The following NT5DC4 variants were observed in gnomAD, a reference collection of about 807,000 sequenced individuals.
NT5DC4 encodes the protein 5'-nucleotidase domain-containing protein 4.
In NT5DC4, 44 loss-of-function variants were observed where a neutral mutation model predicts 26.6. That is an observed-to-expected ratio of 1.65 (90% CI 1.30 to 2.13). The LOEUF is 2.13. Ranked by LOEUF, NT5DC4 falls within the 30% of genes most tolerant of loss-of-function variation. NT5DC4 has a pLI of 0.00. For synonymous variants in NT5DC4, 157 were observed against 86.7 expected (o/e 1.81, Z -4.51); for missense variants, 399 against 228.1 (o/e 1.75, Z -4.83).
At chr2:112,719,934 C>CTTTCTTTCTTTT (rs1553430207), upstream of NT5DC4, among the ~76,000 whole-genome samples, 26 of 66,024 alleles carry the variant, frequency 3.9e-4, no homozygotes, top group African/African-American at 1.4e-3. Context: ...CTCTTTCTTT[C>CTTTCTTTCTTTT]TTTCTTTCTT....
upstream of NT5DC4, among the ~76,000 whole-genome samples, chr2:112,719,938 CTTTCTTTCTTTCTTTCTTTCTTTCTTTCT>C (rs1676705975): frequency 3.6e-5 from 3 of 83,600 alleles, no homozygotes; most frequent in Non-Finnish European, 6.8e-5. Context: ...TTCTTTCTTT[CTTTCTTTCTTTCTTTCTTTCTTTCTTTCT>C]TTCTTTCTTT....
intron 16 of NT5DC4, among the ~76,000 whole-genome samples, chr2:112,732,147 G>C (rs1454444030): frequency 6.6e-6 from 1 of 152,096 alleles, no homozygotes; most frequent in African/African-American, 2.4e-5. Flanking sequence ...CTGACCTCAA[G>C]TGATCCGCCT....
chr2:112,719,316 A>T (rs1574216507), upstream of NT5DC4, among the ~76,000 whole-genome samples: 1 of 152,294 alleles, frequency 6.6e-6, no homozygotes, highest in South Asian at 2.1e-4. Context: ...GCAGCACACA[A>T]CTGTGCTTGC....
intron 1 of NT5DC4, chr2:112,721,536 C>A: frequency 1.4e-6 from 1 of 717,916 alleles, no homozygotes; most frequent in South Asian, 1.5e-5. Flanking sequence ...ATGCCTATAA[C>A]ATGCCTGCAT....
At chr2:112,729,402 G>A (rs1416643683) in intron 15 of NT5DC4, among the ~76,000 whole-genome samples, 3 of 152,238 alleles carry the variant, frequency 2.0e-5, no homozygotes, top group Non-Finnish European at 2.9e-5. Flanking sequence ...GATTACAGGC[G>A]TGAGCCACCG....
rs550422422 is a variant in NT5DC4, at chr2:112,729,800, G to A, written c.1344+96G>A. ...TTGTATCAACCCCAGGACGCATGAG[G>A]CAATTGGTGGGGGGGCTTGTGGGCT... On this transcript the variant is annotated intron_variant, in intron 16 of 16. Transcript: ENST00000688554. The A allele has an allele frequency of 2.6e-5, 18 of 691,714 alleles. No individual in the cohort carries two copies. In the East Asian group the frequency reaches 3.0e-4, roughly 12 times the overall value. The allele number at this position is 691,714 out of a possible 1,614,324, so 42.8% of individuals were successfully genotyped here. A position where few individuals can be genotyped will look rare whatever the true frequency, so the allele number is the denominator to read the frequency against.
chr2:112,727,935 A>G (rs1214041411), intron 15 of NT5DC4, among the ~76,000 whole-genome samples: 1 of 152,214 alleles, frequency 6.6e-6, no homozygotes, highest in Middle Eastern at 3.2e-3. Context: ...GACCTCCTGT[A>G]CTTCCGAGTG....
rs774282539 is a variant in NT5DC4 at position 112,721,079 on chromosome 2, G to A, written c.-1G>A. Among the ~76,000 whole-genome samples the A allele has an allele frequency of 1.3e-5, 2 of 152,144 alleles. No individual in the cohort carries two copies. The highest frequency in any genetic ancestry group is 2.4e-5 in the African/African-American group (1 of 41,422). On this transcript the variant is annotated 5_prime_UTR_variant, in exon 1 of 17. Transcript: ENST00000688554. ...TTGCCTCCTCCTCACTCTGGGTGAC[G>A]ATGGCCAGTGTAGACTGGAGAGAGC...
At position 112,725,250 on chromosome 2, in the gene NT5DC4, C is replaced by A. The variant is rs1239503693; in HGVS notation, c.982+10C>A. On this transcript the variant is annotated intron_variant, in intron 12 of 16. Coordinates refer to ENST00000688554, the MANE Select transcript of NT5DC4 (RefSeq NM_001393655.1). ...GCTGTCTACTCTGGAGGTACCAGCT[C>A]CCACCATGCCCCATCACTCCTTGGG... 8.5e-6 allele frequency: 6 copies of A among 706,362 alleles called. No individual in the cohort carries two copies. Among genetic ancestry groups the A allele is most frequent in the Non-Finnish European group, 1.3e-5 (5 of 376,086 alleles). 43.8% of individuals were successfully genotyped at this position (706,362 alleles called of 1,614,324 possible).
Position 112,725,250 on chromosome 2 carries a change from C to T in NT5DC4, c.982+10C>T, listed in dbSNP as rs1239503693. 2.8e-6 allele frequency: 2 copies of T among 706,244 alleles called. No homozygotes were observed. Among genetic ancestry groups the T allele is most frequent in the Non-Finnish European group, 5.3e-6 (2 of 376,094 alleles). The allele number at this position is 706,244 out of a possible 1,614,324, so 43.7% of individuals were successfully genotyped here. ...GCTGTCTACTCTGGAGGTACCAGCT[C>T]CCACCATGCCCCATCACTCCTTGGG... On this transcript the variant is annotated intron_variant, in intron 12 of 16. Transcript: ENST00000688554.
intron 14 of NT5DC4, 107 bp from the exon 15 acceptor site, chr2:112,726,571 G>A (rs913723655): frequency 1.4e-6 from 1 of 705,330 alleles, no homozygotes; most frequent in Admixed American, 2.0e-5. Context: ...CCCACTGGAT[G>A]CCCGCACGGT....
At chr2:112,734,169 A>ATATGTG (rs150412692) in intron 16 of NT5DC4, among the ~76,000 whole-genome samples, 25,211 of 134,676 alleles carry the variant, frequency 0.19, 2,505 homozygotes, top group Middle Eastern at 0.24. Flanking sequence ...TATTATATAT[A>ATATGTG]TGTGTGTGTG....
In NT5DC4 at chr2:112,722,512, G is replaced by T. The variant is rs775309160; in HGVS notation, c.392G>T (p.Ser131Ile). ...CCCCTCCTCAGGGCAGAGATCTGGA[G>T]CTTCTACCCCAGCAAGTTCATTCAG... ...DLPLLRAEIW[S>I]FYPSKFIQRD... Residue 131 changes from serine (S) to isoleucine (I), a missense_variant, in exon 5 of 17, where the codon AGC (serine) becomes ATC (isoleucine). Coordinates refer to ENST00000688554, the MANE Select transcript of NT5DC4 (RefSeq NM_001393655.1). The T allele has an allele frequency of 4.2e-6, 3 of 717,400 alleles. No individual in the cohort carries two copies. In the Admixed American group the frequency reaches 6.0e-5, roughly 14 times the overall value. The allele number at this position is 717,400 out of a possible 1,614,324, so 44.4% of individuals were successfully genotyped here. A position where few individuals can be genotyped will look rare whatever the true frequency, so the allele number is the denominator to read the frequency against.
Position 112,722,736 on chromosome 2 carries a change from G to C in NT5DC4, c.492G>C (p.Leu164Phe), listed in dbSNP as rs1282038923. 5.6e-6 allele frequency: 4 copies of C among 717,588 alleles called. No individual in the cohort carries two copies. The highest frequency in any genetic ancestry group is 1.5e-5 in the South Asian group (1 of 67,608). 44.5% of individuals were successfully genotyped at this position (717,588 alleles called of 1,614,324 possible). The change falls in exon 6 of 17, where the codon TTG (leucine) becomes TTC (phenylalanine). Residue 164 changes from leucine to phenylalanine, a missense_variant. Physicochemically the swap from Leu to Phe is conservative, Grantham distance 22. Transcript: ENST00000688554. ...NLPETYLYACLVDFFSGCSRY... is the reference protein window; with the variant it reads ...NLPETYLYACFVDFFSGCSRY... ...CAGAAACCTACCTCTATGCCTGCTT[G>C]GTGGACTTCTTCTCTGGCTGCTCCC...
downstream of NT5DC4, chr2:112,742,353 G>T: frequency 1.4e-6 from 1 of 717,012 alleles, no homozygotes. Flanking sequence ...AGATGAGTAT[G>T]TTGGTGGGTT....
intron 16 of NT5DC4, among the ~76,000 whole-genome samples, chr2:112,735,511 T>A: frequency 6.6e-6 from 1 of 151,360 alleles, no homozygotes; most frequent in East Asian, 2.0e-4. Flanking sequence ...TCTTTAAAAC[T>A]TGCTTTACAC....
Position 112,726,271 on chromosome 2 carries a change from A to T in NT5DC4, c.1187A>T (p.His396Leu), listed in dbSNP as rs1302168689. ...RLEELKRLDT[H>L]LADIYQHMDG... is the part of the protein sequence containing the mutation. ...GAGGAGCTGAAGAGACTGGACACGC[A>T]CCTGGCAGACATATACCAGTGAGAC... Residue 396 changes from histidine (H) to leucine (L), a missense_variant, in exon 14 of 17, where the codon CAC (histidine) becomes CTC (leucine). Coordinates refer to ENST00000688554, the MANE Select transcript of NT5DC4 (RefSeq NM_001393655.1). The T allele has an allele frequency of 9.8e-6, 7 of 716,920 alleles. No homozygotes were observed. Among genetic ancestry groups the T allele is most frequent in the Non-Finnish European group, 1.8e-5 (7 of 384,930 alleles). 44.4% of individuals were successfully genotyped at this position (716,920 alleles called of 1,614,324 possible). A position where few individuals can be genotyped will look rare whatever the true frequency, so the allele number is the denominator to read the frequency against.
Position 112,724,679 on chromosome 2 carries a change from C to T in NT5DC4, c.790-102C>T, listed in dbSNP as rs532782036. ...CAGGGGCTGAAGAGGTCTCATCCAG[C>T]TGGGAGGTTGGTGGGGAGAGGCAGG... On this transcript the variant is annotated intron_variant, in intron 10 of 16. Coordinates refer to ENST00000688554, the MANE Select transcript of NT5DC4 (RefSeq NM_001393655.1). The T allele has an allele frequency of 7.9e-5, 53 of 673,132 alleles. No individual in the cohort carries two copies. The East Asian group carries it at 1.4e-3, about 17-fold the overall frequency. The allele number at this position is 673,132 out of a possible 1,614,324, so 41.7% of individuals were successfully genotyped here.
intron 8 of NT5DC4, 103 bp from the exon 9 acceptor site, chr2:112,723,616 T>C: frequency 1.5e-6 from 1 of 684,322 alleles, no homozygotes; most frequent in East Asian, 2.7e-5. Context: ...GGTGCCTACC[T>C]GCCTGGGCTG....
Sources: allele counts gnomAD v4.1 joint callset (sites outside exome capture counted in the v4.1 genomes callset), GRCh38; gene constraint gnomAD v4.1.1; transcripts MANE v1.5; gene names NCBI Gene and HGNC (gene_info 2026-07-23, HGNC 2026-07-21).